Variants in VAMP4 observed in about 807,000 individuals in gnomAD.
VAMP4 encodes vesicle associated membrane protein 4.
In VAMP4, 19 loss-of-function variants were observed where a neutral mutation model predicts 23.5. That is an observed-to-expected ratio of 0.81 (90% confidence interval 0.56 to 1.19). The LOEUF is 1.19. VAMP4 is among the 50% of genes most tolerant of loss of function. The pLI is 0.00. For synonymous variants in VAMP4, 31 were observed against 51.0 expected (o/e 0.61, Z 1.67); for missense variants, 145 against 168.6 (o/e 0.86, Z 0.78).
intron 4 of VAMP4, among the ~76,000 whole-genome samples, chr1:171,717,408 G>A (rs1487370582): frequency 8.5e-5 from 13 of 152,268 alleles, no homozygotes; most frequent in Admixed American, 6.5e-4. Flanking sequence ...CCTGGAACAT[G>A]AGAGAATGAG....
intron 6 of VAMP4, among the ~76,000 whole-genome samples, chr1:171,707,627 A>G (rs1361019440): frequency 6.6e-6 from 1 of 152,210 alleles, no homozygotes; most frequent in Non-Finnish European, 1.5e-5. Context: ...AACTGAAGGA[A>G]GCTAAGCATT....
At chr1:171,734,263 G>A (rs1399354608) in intron 2 of VAMP4, among the ~76,000 whole-genome samples, 4 of 103,040 alleles carry the variant, frequency 3.9e-5, no homozygotes, top group East Asian at 5.4e-4. Flanking sequence ...GGGAGACTCC[G>A]TCTCAAAAAA....
In VAMP4 at chr1:171,731,392, C is replaced by T. The variant is rs535645196; in HGVS notation, c.67-2822G>A. Among the ~76,000 whole-genome samples the T allele has an allele frequency of 1.7e-3, 265 of 151,784 alleles. 1 individual carries two copies. The highest frequency in any genetic ancestry group is 5.6e-3 in the African/African-American group (232 of 41,350). On this transcript the variant is annotated intron_variant, in intron 2 of 7. Coordinates refer to ENST00000236192, the MANE Select transcript of VAMP4 (RefSeq NM_003762.5). ...GTAACTAACCTGCACGTTGTGCACA[C>T]GTACCCTAAAACTTAAAGTATAATA...
intron 1 of VAMP4, among the ~76,000 whole-genome samples, chr1:171,740,897 T>C (rs1655902287): frequency 6.6e-6 from 1 of 152,238 alleles, no homozygotes; most frequent in South Asian, 2.1e-4. Flanking sequence ...AGCAAAGCAG[T>C]AGGCAGATTA....
chr1:171,722,150 A>G (rs6670534), intron 3 of VAMP4, among the ~76,000 whole-genome samples: 25,944 of 151,710 alleles, frequency 0.17, 2,278 homozygotes, highest in Middle Eastern at 0.24. Flanking sequence ...AACAAGAAAT[A>G]GGGAAAGGAA....
At chr1:171,732,727 T>C (rs1168574776) in intron 2 of VAMP4, among the ~76,000 whole-genome samples, 8 of 152,154 alleles carry the variant, frequency 5.3e-5, no homozygotes, top group African/African-American at 1.7e-4. Context: ...ATCACAAAGA[T>C]TGAAAATATA....
intron 6 of VAMP4, among the ~76,000 whole-genome samples, chr1:171,708,776 T>C (rs1189360244): frequency 6.7e-6 from 1 of 149,458 alleles, no homozygotes. Context: ...CTCAGGAGGC[T>C]GAGGCAGAAG....
chr1:171,723,855 A>G (rs1467724337), intron 3 of VAMP4, among the ~76,000 whole-genome samples: 1 of 152,226 alleles, frequency 6.6e-6, no homozygotes, highest in East Asian at 1.9e-4. Flanking sequence ...ATTGCAATAA[A>G]GACAGGTGTA....
At chr1:171,718,549 A>G (rs186140763) in intron 4 of VAMP4, among the ~76,000 whole-genome samples, 1 of 152,316 alleles carries the variant, frequency 6.6e-6, no homozygotes, top group East Asian at 1.9e-4. Context: ...CAAATAATAT[A>G]TACCTCAAAG....
intron 2 of VAMP4, among the ~76,000 whole-genome samples, chr1:171,736,268 G>C (rs919070611): frequency 2.6e-5 from 4 of 152,140 alleles, no homozygotes; most frequent in African/African-American, 9.7e-5. Context: ...CTTTTTCTTG[G>C]AGGTTTATCT....
At chr1:171,728,707 T>C in intron 2 of VAMP4, 137 bp from the exon 3 acceptor site, 1 of 742,818 alleles carries the variant, frequency 1.3e-6, no homozygotes, top group South Asian at 2.3e-5. Context: ...AGTAATTACA[T>C]ATCCTTCACT....
rs1315707715 is a variant in VAMP4 at position 171,719,130 on chromosome 1, C to A, written c.164+41G>T. 32 of 1,586,624 alleles carry A rather than the reference C, an allele frequency of 2.0e-5. No homozygotes were observed. In the East Asian group the frequency reaches 7.0e-4, roughly 35 times the overall value. Reference sequence around the variant, plus strand: ...GCAGTTTGCCAATCTCTAGTCTACACAGAAATATGATTATCATTTAAACAA... The same window carrying A: ...GCAGTTTGCCAATCTCTAGTCTACAAAGAAATATGATTATCATTTAAACAA... On this transcript the variant is annotated intron_variant, in intron 4 of 7. Transcript: ENST00000236192.
chr1:171,738,159 A>G (rs564152927), intron 2 of VAMP4, among the ~76,000 whole-genome samples, 190 bp downstream of exon 2: 1 of 152,240 alleles, frequency 6.6e-6, no homozygotes, highest in Admixed American at 6.5e-5. Flanking sequence ...ATTTATAGAG[A>G]CAGGGTCTCC....
Position 171,704,493 on chromosome 1 carries a change from C to A in VAMP4, c.*13G>T, listed in dbSNP as rs1159587669. ...GTCCCAGATCTTGTTTAATGAAGATCTCTGTCATCAAATCAAGTACGGTAT... is the reference window on the plus strand; with the variant it reads ...GTCCCAGATCTTGTTTAATGAAGATATCTGTCATCAAATCAAGTACGGTAT... On this transcript the variant is annotated 3_prime_UTR_variant, in exon 8 of 8. Transcript: ENST00000236192. 9 of 1,575,478 alleles carry A rather than the reference C, an allele frequency of 5.7e-6. No homozygotes were observed. In the Admixed American group the frequency reaches 1.5e-4, roughly 26 times the overall value.
intron 4 of VAMP4, among the ~76,000 whole-genome samples, chr1:171,714,825 A>AAC (rs1654977267): frequency 2.0e-5 from 3 of 152,194 alleles, no homozygotes; most frequent in African/African-American, 4.8e-5. Flanking sequence ...CATGAAGGTT[A>AAC]TGAGCCTGGT....
intron 3 of VAMP4, among the ~76,000 whole-genome samples, chr1:171,725,937 C>A (rs981797425): frequency 2.0e-5 from 3 of 152,106 alleles, no homozygotes. Context: ...ATCCACCTGC[C>A]TCGGTCTCCC....
In VAMP4 at chr1:171,726,056, A is replaced by AT. The variant is rs1006897128; in HGVS notation, c.113+2467dup. On this transcript the variant is annotated intron_variant, in intron 3 of 7. Transcript: ENST00000236192. ...ACCCAGCCTCAACAAAAAAAGTCAC[A>AT]TTTTTTTTTGGGGGGGGCGAAGTAT... Among the ~76,000 whole-genome samples, 11 of 149,850 alleles carry AT rather than the reference A, an allele frequency of 7.3e-5. No homozygotes were observed. In the East Asian group the frequency reaches 9.9e-4, roughly 13 times the overall value.
At position 171,710,801 on chromosome 1, in the gene VAMP4, C is replaced by T. The variant is rs2124841617; in HGVS notation, c.178G>A (p.Val60Met). 3 of 1,605,808 alleles carry T rather than the reference C, an allele frequency of 1.9e-6. No individual in the cohort carries two copies. Among genetic ancestry groups the T allele is most frequent in the Middle Eastern group, 1.7e-4 (1 of 6,024 alleles). ...NDKIKHVQNQ[V>M]DEVIDVMQEN... ...TGCATGACATCAATAACTTCATCCA[C>T]TTGATTCTGAACACTAGTTTAAAAA... Residue 60 changes from valine (V) to methionine (M), a missense_variant, in exon 5 of 8, where the codon GTG (valine) becomes ATG (methionine). Physicochemically the swap from Val to Met is conservative, Grantham distance 21. Transcript: ENST00000236192.
chr1:171,734,491 T>G (rs1214992596), intron 2 of VAMP4, among the ~76,000 whole-genome samples: 2 of 152,136 alleles, frequency 1.3e-5, no homozygotes, highest in Non-Finnish European at 2.9e-5. Flanking sequence ...CAGCATTTCT[T>G]TTTGGGCTAA....
Sources: gnomAD v4.1 joint callset for allele counts (sites outside exome capture counted in the v4.1 genomes callset) on GRCh38, gnomAD v4.1.1 for gene constraint, MANE v1.5 for transcripts, NCBI Gene and HGNC (gene_info 2026-07-23, HGNC 2026-07-21) for gene names.